The following CDH3 variants were observed in gnomAD, a reference collection of about 807,000 sequenced individuals.
CDH3 encodes the protein cadherin-3.
CDH3 carries 54 observed loss-of-function variants against 82.0 expected under a neutral mutation model. The observed-to-expected ratio is 0.66, with a 90% CI of 0.53 to 0.83. CDH3 has a LOEUF of 0.83. CDH3 is among the 40% of genes least tolerant of loss of function. CDH3 has a pLI of 0.00. For synonymous variants in CDH3, 446 were observed against 437.9 expected, an observed-to-expected ratio of 1.02 and a Z score of -0.23; for missense variants, 1,054 against 1,084.6, an observed-to-expected ratio of 0.97 and a Z score of 0.40.
chr16:68,667,187 A>G (rs561604342), intron 2 of CDH3, among the ~76,000 whole-genome samples: 2 of 152,286 alleles, frequency 1.3e-5, no homozygotes, highest in East Asian at 3.9e-4. Flanking sequence ...ATCTTTCTTC[A>G]AGTCACTTCC....
chr16:68,657,996 T>A (rs1960450328), intron 2 of CDH3, among the ~76,000 whole-genome samples: 1 of 152,032 alleles, frequency 6.6e-6, no homozygotes, highest in South Asian at 2.1e-4. Flanking sequence ...CGCATCTTTC[T>A]AAGAAGTCTC....
chr16:68,695,700 T>A, intron 14 of CDH3, 77 bp from the exon 15 acceptor site: 4 of 1,511,220 alleles, frequency 2.6e-6, no homozygotes, highest in Non-Finnish European at 3.7e-6. Context: ...GGGTAGGGGG[T>A]GTGGGGTGAG....
intron 2 of CDH3, among the ~76,000 whole-genome samples, chr16:68,669,673 T>C (rs1323001201): frequency 6.6e-6 from 1 of 151,980 alleles, no homozygotes; most frequent in African/African-American, 2.4e-5. Context: ...TTCTGAGTAG[T>C]AGGGGAGTCA....
Position 68,684,830 on chromosome 16 carries a change from C to G in CDH3, c.1424+6C>G. The G allele has an allele frequency of 6.2e-7, 1 of 1,614,052 alleles. No homozygotes were observed. Among genetic ancestry groups the G allele is most frequent in the South Asian group, 1.1e-5 (1 of 91,002 alleles). ...AAGGAGAATCAAAAGATCAGGTACTCAGGAGCTGGGCTCAGTAAGCAGCAC... is the reference window on the plus strand; with the variant it reads ...AAGGAGAATCAAAAGATCAGGTACTGAGGAGCTGGGCTCAGTAAGCAGCAC... On this transcript the variant is annotated splice_donor_region_variant and intron_variant, in intron 10 of 15. Transcript: ENST00000264012.
At chr16:68,692,332 C>G (rs1000151483) in intron 13 of CDH3, among the ~76,000 whole-genome samples, 2 of 152,172 alleles carry the variant, frequency 1.3e-5, no homozygotes, top group Non-Finnish European at 2.9e-5. Flanking sequence ...CCACTGCGCC[C>G]GGTCCACTCC....
chr16:68,684,579 C>T lies in CDH3; in HGVS notation c.1183-4C>T. On this transcript the variant is annotated splice_region_variant and splice_polypyrimidine_tract_variant and intron_variant, in intron 9 of 15. Coordinates refer to ENST00000264012, the MANE Select transcript of CDH3 (RefSeq NM_001793.6). ...TCCAGGTCCTTCTTCCTCTTCTCTC[C>T]TAGGGTTTGGATTTTGAGGCCAAAA... 3 of 1,614,138 alleles carry T rather than the reference C, an allele frequency of 1.9e-6. No individual in the cohort carries two copies. The highest frequency in any genetic ancestry group is 2.5e-6 in the Non-Finnish European group (3 of 1,180,024).
downstream of CDH3, among the ~76,000 whole-genome samples, chr16:68,731,515 T>TACACACAC (rs1184478445): frequency 1.5e-4 from 5 of 33,712 alleles, no homozygotes; most frequent in African/African-American, 4.6e-4. Flanking sequence ...CACACACATA[T>TACACACAC]ACACACACAC....
At chr16:68,647,525 C>T (rs948534829) in intron 2 of CDH3, among the ~76,000 whole-genome samples, 2 of 152,016 alleles carry the variant, frequency 1.3e-5, no homozygotes, top group African/African-American at 2.4e-5. Flanking sequence ...TTGTGAAAAA[C>T]GGTGGGTTTG....
At chr16:68,704,013 G>A (rs896946935), downstream of CDH3, among the ~76,000 whole-genome samples, 26 of 151,522 alleles carry the variant, frequency 1.7e-4, no homozygotes, top group African/African-American at 6.1e-4. Context: ...TTGGCCGGGC[G>A]CGGTGGCTCA....
At chr16:68,725,565 C>G (rs1275370682) in intron 2 of CDH3, among the ~76,000 whole-genome samples, 1 of 151,930 alleles carries the variant, frequency 6.6e-6, no homozygotes, top group Non-Finnish European at 1.5e-5. Flanking sequence ...GATCTCCTGA[C>G]CTCCTGATCC....
At chr16:68,664,293 TAGAC>T (rs773111043) in intron 2 of CDH3, among the ~76,000 whole-genome samples, 7 of 152,306 alleles carry the variant, frequency 4.6e-5, no homozygotes, top group Admixed American at 2.6e-4. Flanking sequence ...AGATACTGAA[TAGAC>T]AGATATAACT....
intron 1 of CDH3, 104 bp from the exon 2 acceptor site, chr16:68,645,532 G>A: frequency 6.8e-7 from 1 of 1,461,356 alleles, no homozygotes; most frequent in Non-Finnish European, 9.3e-7. Flanking sequence ...CGCTCCCTGG[G>A]GCCAAGGGAG....
In CDH3 at chr16:68,651,222, C is replaced by T. The variant is rs947930986; in HGVS notation, c.160+5472C>T. 9.5e-6 allele frequency: 5 copies of T among 525,380 alleles called. No individual in the cohort carries two copies. The African/African-American group carries it at 9.6e-5, about 10-fold the overall frequency. The allele number at this position is 525,380 out of a possible 1,614,324, so 32.5% of individuals were successfully genotyped here. The stretch of plus-strand genomic sequence containing the variant: ...CCTGCAGGTAGCCCATCTGCAGGGA[C>T]ACGGAGGAGTTGTCATACTTGTTGG... On this transcript the variant is annotated intron_variant, in intron 2 of 15. Coordinates refer to ENST00000264012, the MANE Select transcript of CDH3 (RefSeq NM_001793.6).
intron 2 of CDH3, among the ~76,000 whole-genome samples, chr16:68,661,891 A>G (rs1960590861): frequency 6.6e-6 from 1 of 152,186 alleles, no homozygotes; most frequent in South Asian, 2.1e-4. Context: ...GGGTTTCGCC[A>G]TGTTGGCCAG....
At chr16:68,678,305 A>G (rs200704714) in intron 4 of CDH3, 28 bp downstream of exon 4, 148 of 1,613,250 alleles carry the variant, frequency 9.2e-5, no homozygotes, top group Non-Finnish European at 9.8e-5. Flanking sequence ...CCTGGGAAGC[A>G]TTGGTGGCTC....
In CDH3 at chr16:68,678,166, G is replaced by C; in HGVS notation, c.279G>C (p.Leu93Phe). The C allele has an allele frequency of 6.2e-7, 1 of 1,613,966 alleles. No individual in the cohort carries two copies. Among genetic ancestry groups the C allele is most frequent in the Non-Finnish European group, 8.5e-7 (1 of 1,179,848 alleles). Residue 93 changes from leucine (L) to phenylalanine (F), a missense_variant, in exon 4 of 16, where the codon TTG becomes TTC. Transcript: ENST00000264012. Reference protein sequence around the residue: ...ERRSLKERNPLKIFPSKRILR... With the variant: ...ERRSLKERNPFKIFPSKRILR... ...GGTCACTGAAGGAAAGGAATCCATT[G>C]AAGATCTTCCCATCCAAACGTATCT...
chr16:68,733,668 G>A, the CDH3 span, among the ~76,000 whole-genome samples: 2 of 152,172 alleles, frequency 1.3e-5, no homozygotes, highest in Non-Finnish European at 2.9e-5. Context: ...CTTGAACCTG[G>A]GAGGCAGAGA....
At chr16:68,684,476 G>T in intron 9 of CDH3, 107 bp from the exon 10 acceptor site, 2 of 1,298,842 alleles carry the variant, frequency 1.5e-6, no homozygotes, top group South Asian at 1.2e-5. Flanking sequence ...GCTAGTGAGG[G>T]CCTCAAGCCC....
At chr16:68,709,632 T>C (rs1962004071) in intron 1 of CDH3, among the ~76,000 whole-genome samples, 1 of 152,148 alleles carries the variant, frequency 6.6e-6, no homozygotes, top group Non-Finnish European at 1.5e-5. Context: ...CTAATTTTTG[T>C]ATTTTTAGTG....
Sources: allele counts gnomAD v4.1 joint callset (sites outside exome capture counted in the v4.1 genomes callset), GRCh38; gene constraint gnomAD v4.1.1; transcripts MANE v1.5; gene names NCBI Gene and HGNC (gene_info 2026-07-23, HGNC 2026-07-21).